Variants in MOSPD1 observed in about 807,000 individuals in gnomAD.
MOSPD1 encodes the protein motile sperm domain-containing protein 1.
A neutral mutation model predicts 16.7 loss-of-function variants in MOSPD1; 5 were observed. That is an observed-to-expected ratio of 0.30 (90% CI 0.16 to 0.63). MOSPD1 has a LOEUF of 0.63. Ranked by LOEUF, MOSPD1 falls within the 30% of genes least tolerant of loss-of-function variation. MOSPD1 has a pLI of 0.82. For synonymous variants in MOSPD1, 67 were observed against 59.2 expected, an observed-to-expected ratio of 1.13 and a Z score of -0.61; for missense variants, 104 against 153.6, an observed-to-expected ratio of 0.68 and a Z score of 1.71.
chrX:134,892,502 C>A (rs2082866916), intron 4 of MOSPD1, among the ~76,000 whole-genome samples: 1 of 112,392 alleles, frequency 8.9e-6, no homozygotes, highest in Non-Finnish European at 1.9e-5. Flanking sequence ...TAGAAATCTA[C>A]TCGACAATTG....
chrX:134,913,369 G>A (rs1216739974), intron 1 of MOSPD1, among the ~76,000 whole-genome samples: 1 of 111,190 alleles, frequency 9.0e-6, no homozygotes, highest in African/African-American at 3.3e-5. Context: ...GCAAGACCCT[G>A]TCTCAAAAAA....
At chrX:134,905,842 A>G (rs1035129748) in intron 1 of MOSPD1, among the ~76,000 whole-genome samples, 1 of 112,391 alleles carries the variant, frequency 8.9e-6, no homozygotes, top group South Asian at 3.6e-4. Flanking sequence ...ATGTGAAACT[A>G]TTTGTTTTAA....
In MOSPD1 at chrX:134,888,854, T is replaced by C. The variant is rs949013347; in HGVS notation, c.*307A>G. On this transcript the variant is annotated 3_prime_UTR_variant, in exon 6 of 6. Coordinates refer to ENST00000370783, the MANE Select transcript of MOSPD1 (RefSeq NM_019556.3). ...CATACATGACCCCTAGCAATCAAAG[T>C]GAATTAGAAAAAAAGGTGAGAAAAT... 2.4e-5 allele frequency: 3 copies of C among 127,615 alleles called. No individual in the cohort carries two copies. Among genetic ancestry groups the C allele is most frequent in the African/African-American group, 9.6e-5 (3 of 31,159 alleles). The allele number at this position is 127,615 out of a possible 1,213,427, so 10.5% of individuals were successfully genotyped here. A position where few individuals can be genotyped will look rare whatever the true frequency, so the allele number is the denominator to read the frequency against.
intron 4 of MOSPD1, among the ~76,000 whole-genome samples, chrX:134,893,718 A>C (rs1314301925): frequency 9.0e-6 from 1 of 111,224 alleles, no homozygotes; most frequent in Non-Finnish European, 1.9e-5. Context: ...CCTTACTTAG[A>C]AATATATTTG....
intron 1 of MOSPD1, among the ~76,000 whole-genome samples, chrX:134,914,830 C>T (rs1166095508): frequency 1.8e-5 from 2 of 112,622 alleles, no homozygotes; most frequent in Non-Finnish European, 3.8e-5. Context: ...AGAGTTGTCC[C>T]GCGAGCCGCA....
Position 134,899,555 on chromosome X carries a change from C to A in MOSPD1, c.-101-21G>T. 5.7e-6 allele frequency: 4 copies of A among 704,167 alleles called. No individual in the cohort carries two copies. In the South Asian group the frequency reaches 1.1e-4, roughly 19 times the overall value. The allele number at this position is 704,167 out of a possible 1,213,427, so 58.0% of individuals were successfully genotyped here. ...GCAATCTAGAAATAGAAGGAGAAAG[C>A]GAGAAGAAAAGTGAATGATCCCAAT... On this transcript the variant is annotated intron_variant, in intron 1 of 5. Coordinates refer to ENST00000370783, the MANE Select transcript of MOSPD1 (RefSeq NM_019556.3).
chrX:134,912,948 A>G (rs2082980159), intron 1 of MOSPD1, among the ~76,000 whole-genome samples: 1 of 108,963 alleles, frequency 9.2e-6, no homozygotes, highest in Admixed American at 9.9e-5. Context: ...AAAAAAAAAA[A>G]AAAATTTTGG....
chrX:134,906,464 A>G (rs773572898), intron 1 of MOSPD1, among the ~76,000 whole-genome samples: 47 of 109,392 alleles, frequency 4.3e-4, no homozygotes, highest in South Asian at 4.0e-4. Flanking sequence ...GATTACAGGC[A>G]TGAGCCACCG....
chrX:134,902,390 C>CATAAATAA (rs763157635), intron 1 of MOSPD1, among the ~76,000 whole-genome samples: 8,133 of 99,429 alleles, frequency 0.082, 356 homozygotes, highest in Middle Eastern at 0.12. Context: ...AATTCCGTCT[C>CATAAATAA]ATAAATAAAT....
chrX:134,904,504 G>T (rs923222908), intron 1 of MOSPD1, among the ~76,000 whole-genome samples: 10 of 112,040 alleles, frequency 8.9e-5, no homozygotes, highest in African/African-American at 3.2e-4. Context: ...AATGATTTAT[G>T]TGAAACAACA....
intron 1 of MOSPD1, among the ~76,000 whole-genome samples, chrX:134,904,691 G>A (rs756265204): frequency 3.6e-5 from 4 of 110,325 alleles, no homozygotes; most frequent in East Asian, 5.7e-4. Context: ...GTGAAACCCC[G>A]TCTCTACTAA....
chrX:134,908,937 AT>A lies in MOSPD1; in HGVS notation c.-102+6244del, dbSNP rs754499636. ...GGAGCACTGAAACCACTTTCATAGC[AT>A]TTTCTCATTTGCACCCTGCAACCTG... On this transcript the variant is annotated intron_variant, in intron 1 of 5. Transcript: ENST00000370783. 2.7e-5 allele frequency among the ~76,000 whole-genome samples: 3 copies of A among 112,253 alleles called. No homozygotes were observed. In the Admixed American group the frequency reaches 2.8e-4, roughly 11 times the overall value.
At chrX:134,912,922 C>T (rs1178969222) in intron 1 of MOSPD1, among the ~76,000 whole-genome samples, 5 of 98,177 alleles carry the variant, frequency 5.1e-5, no homozygotes, top group African/African-American at 1.2e-4. Context: ...ACCTGGGCGA[C>T]GGAGACTCTG....
chrX:134,895,048 C>T (rs2082879018), intron 4 of MOSPD1, among the ~76,000 whole-genome samples: 1 of 94,640 alleles, frequency 1.1e-5, no homozygotes, highest in African/African-American at 3.6e-5. Flanking sequence ...ACTTTAGATA[C>T]CAAGGTTTGT....
intron 4 of MOSPD1, among the ~76,000 whole-genome samples, chrX:134,892,584 T>C (rs749619449): frequency 5.3e-4 from 59 of 111,339 alleles, no homozygotes; most frequent in Non-Finnish European, 4.2e-4. Flanking sequence ...TAAATGTTCC[T>C]AAAATAAAAT....
chrX:134,910,129 C>T (rs1321561119), intron 1 of MOSPD1, among the ~76,000 whole-genome samples: 1 of 111,516 alleles, frequency 9.0e-6, no homozygotes, highest in East Asian at 2.8e-4. Context: ...CATGGCCGGG[C>T]GCAGTGACTC....
At chrX:134,914,461 G>A (rs751237576) in intron 1 of MOSPD1, among the ~76,000 whole-genome samples, 1 of 111,305 alleles carries the variant, frequency 9.0e-6, no homozygotes, top group South Asian at 3.8e-4. Context: ...CACACCGGCC[G>A]CTCCATGTGA....
At chrX:134,891,919 A>T (rs2082864837) in intron 4 of MOSPD1, among the ~76,000 whole-genome samples, 2 of 112,126 alleles carry the variant, frequency 1.8e-5, no homozygotes, top group Non-Finnish European at 3.8e-5. Context: ...ATCCCACCCT[A>T]GTCAGTAGAA....
chrX:134,905,258 ACT>A (rs2082935832), intron 1 of MOSPD1, among the ~76,000 whole-genome samples: 1 of 107,940 alleles, frequency 9.3e-6, no homozygotes, highest in Non-Finnish European at 1.9e-5. Context: ...AGTCCCAGCT[ACT>A]CAGGAGGCTG....
Sources: gnomAD v4.1 joint callset for allele counts (sites outside exome capture counted in the v4.1 genomes callset) on GRCh38, gnomAD v4.1.1 for gene constraint, MANE v1.5 for transcripts, NCBI Gene and HGNC (gene_info 2026-07-23, HGNC 2026-07-21) for gene names.